Variants in INPPL1 observed in about 807,000 individuals in gnomAD.
INPPL1 encodes the protein phosphatidylinositol 3,4,5-trisphosphate 5-phosphatase 2.
A neutral mutation model predicts 139.3 loss-of-function variants in INPPL1; 91 were observed. The observed-to-expected ratio is 0.65, with a 90% CI of 0.55 to 0.78. The LOEUF is 0.78. Among genes scored for constraint, INPPL1 ranks in the 30% least tolerant of loss-of-function variants. The pLI is 0.00. For missense variants in INPPL1, 1,411 were observed against 1,665.6 expected (o/e 0.85, Z 2.66); for synonymous variants, 719 against 686.6 (o/e 1.05, Z -0.74).
rs1454499526 is a variant in INPPL1 at position 72,230,400 on chromosome 11, C to T, written c.1129C>T (p.Leu377=). ...TAAGTCCCAGCGTGTCCAGAACAAGCTGGGTGTTGTGTTTGAGAAGGAGAA... is the reference window on the plus strand; with the variant it reads ...TAAGTCCCAGCGTGTCCAGAACAAGTTGGGTGTTGTGTTTGAGAAGGAGAA... ...LIKSQRVQNK[L]GVVFEKEKDR... Residue 377 remains leucine, a synonymous_variant, in exon 10 of 28, where the codon CTG becomes TTG. Coordinates refer to ENST00000298229, the MANE Select transcript of INPPL1 (RefSeq NM_001567.4). 1 of 1,614,008 alleles carries T rather than the reference C, an allele frequency of 6.2e-7. No homozygotes were observed. Among genetic ancestry groups the T allele is most frequent in the African/African-American group, 1.3e-5 (1 of 74,934 alleles).
chr11:72,229,869 C>T, intron 7 of INPPL1, 55 bp from the exon 8 acceptor site: 1 of 1,581,280 alleles, frequency 6.3e-7, no homozygotes, highest in Non-Finnish European at 8.7e-7. Context: ...TGTGTCCCTC[C>T]CTGCCCCAGC....
Position 72,229,559 on chromosome 11 carries a change from G to A in INPPL1, c.753+1G>A, listed in dbSNP as rs756452267. ...GGTGACCCGCCTTTTGCAGCAGCAGGTAGATTGTAGGGAGACCTCTGGGAG... is the reference window on the plus strand; with the variant it reads ...GGTGACCCGCCTTTTGCAGCAGCAGATAGATTGTAGGGAGACCTCTGGGAG... On this transcript the variant is annotated splice_donor_variant, in intron 6 of 27. Transcript: ENST00000298229. LOFTEE classifies it high-confidence loss of function. The A allele has an allele frequency of 1.2e-6, 2 of 1,614,100 alleles. No individual in the cohort carries two copies. Among genetic ancestry groups the A allele is most frequent in the Middle Eastern group, 1.6e-4 (1 of 6,062 alleles).
chr11:72,233,340 C>T (rs1458306489), intron 17 of INPPL1, 101 bp from the exon 18 acceptor site: 1 of 1,126,160 alleles, frequency 8.9e-7, no homozygotes, highest in African/African-American at 1.5e-5. Context: ...GCTAGGGCCT[C>T]TAGTAATAGA....
At chr11:72,230,337 A>T in intron 9 of INPPL1, 25 bp from the exon 10 acceptor site, 1 of 1,613,488 alleles carries the variant, frequency 6.2e-7, no homozygotes, top group South Asian at 1.1e-5. Flanking sequence ...GCACAGGCCC[A>T]TGTGACCGGT....
Position 72,238,580 on chromosome 11 carries a change from G to A in INPPL1, c.*227G>A. ...TTAGGCTCAGGACGGAAGGTCAGTT[G>A]CCATGGTTACCGAGGACCCTGGTTA... On this transcript the variant is annotated 3_prime_UTR_variant, in exon 28 of 28. Coordinates refer to ENST00000298229, the MANE Select transcript of INPPL1 (RefSeq NM_001567.4). The A allele has an allele frequency of 2.4e-6, 1 of 408,690 alleles. No individual in the cohort carries two copies. The allele number at this position is 408,690 out of a possible 1,614,324, so 25.3% of individuals were successfully genotyped here.
In INPPL1 at chr11:72,235,898, T is replaced by C. The variant is rs1310103735; in HGVS notation, c.2791T>C (p.Leu931=). 2.5e-6 allele frequency: 4 copies of C among 1,613,120 alleles called. No individual in the cohort carries two copies. The South Asian group carries it at 4.4e-5, about 18-fold the overall frequency. Residue 931 remains leucine, a synonymous_variant, in exon 25 of 28, where the codon TTA becomes CTA. Coordinates refer to ENST00000298229, the MANE Select transcript of INPPL1 (RefSeq NM_001567.4). The surrounding 1 kb of genome is among the most constrained non-coding windows in gnomAD (Gnocchi z 4.9). The part of the protein sequence containing the change: ...FTEASCPLSR[L]FEEPEKPPPT... ...AGAGGCCTCCTGCCCGCTCTCCAGG[T>C]TATTTGAAGAACCAGAGAAACCGCC...
chr11:72,224,863 T>C lies in INPPL1; in HGVS notation c.-122T>C. On this transcript the variant is annotated 5_prime_UTR_variant, in exon 1 of 28. Transcript: ENST00000298229. ...GGAGTGCTGAGTCCCGATCCCCGGC[T>C]CTGTCCGGCCCACGGATCCTCAAGC... 1.6e-6 allele frequency: 1 copy of C among 643,162 alleles called. No homozygotes were observed. Among genetic ancestry groups the C allele is most frequent in the Non-Finnish European group, 2.0e-6 (1 of 509,172 alleles). The allele number at this position is 643,162 out of a possible 1,614,324, so 39.8% of individuals were successfully genotyped here.
intron 1 of INPPL1, 76 bp downstream of exon 1, chr11:72,225,242 G>A (rs912377861): frequency 1.6e-6 from 2 of 1,224,250 alleles, no homozygotes; most frequent in South Asian, 4.1e-5. Context: ...AAAGGGCCCG[G>A]GTGAGGGTTT....
In INPPL1 at chr11:72,228,754, C is replaced by T; in HGVS notation, c.425C>T (p.Pro142Leu). The T allele has an allele frequency of 6.2e-7, 1 of 1,609,228 alleles. No homozygotes were observed. The highest frequency in any genetic ancestry group is 8.5e-7 in the Non-Finnish European group (1 of 1,177,374). Residue 142 changes from proline to leucine, a missense_variant, in exon 4 of 28, where the codon CCC becomes CTC. Transcript: ENST00000298229. This position sits in a 1 kb window ranked among gnomAD's most constrained non-coding sequence, Gnocchi z 5.0. The stretch of plus-strand genomic sequence containing the variant: ...GGGGAGGATGAGAAGCCCCCGCTGC[C>T]CCCGCGCTCTGGCTCCACCAGCATT... Reference protein sequence around the residue: ...SDGEDEKPPLPPRSGSTSISA... With the variant: ...SDGEDEKPPLLPRSGSTSISA...
chr11:72,223,632 G>A (rs1266200657), upstream of INPPL1: 1 of 152,092 alleles, frequency 6.6e-6, no homozygotes, highest in African/African-American at 2.4e-5. Flanking sequence ...TCGGGAGCGC[G>A]GGCTGGGCGC....
chr11:72,229,133 G>A lies in INPPL1; in HGVS notation c.562G>A (p.Gly188Ser), dbSNP rs1232967647. 6.2e-7 allele frequency: 1 copy of A among 1,613,848 alleles called. No homozygotes were observed. Among genetic ancestry groups the A allele is most frequent in the Admixed American group, 1.7e-5 (1 of 60,002 alleles). Reference sequence around the variant, plus strand: ...CACCGTCTCGCACGACTACCTGAAAGGCAGCTATGGGCTGGACCTGGAAGC... The same window carrying A: ...CACCGTCTCGCACGACTACCTGAAAAGCAGCTATGGGCTGGACCTGGAAGC... ...LSTVSHDYLK[G>S]SYGLDLEAVR... The change falls in exon 5 of 28, where the codon GGC becomes AGC. Residue 188 changes from glycine (G) to serine (S), a missense_variant. By Grantham distance (56) the Gly-to-Ser change is moderately conservative. This residue lies in a region of INPPL1 where 504 missense variants were observed against 595.6 expected (regional missense o/e 0.85). Coordinates refer to ENST00000298229, the MANE Select transcript of INPPL1 (RefSeq NM_001567.4).
Position 72,228,653 on chromosome 11 carries a change from T to C in INPPL1, c.398-74T>C. ...AACCCTCTTTCCATGGAAGTCACTT[T>C]ACAGCTGCATCGTGCCTCCTACTCC... On this transcript the variant is annotated intron_variant, in intron 3 of 27. Coordinates refer to ENST00000298229, the MANE Select transcript of INPPL1 (RefSeq NM_001567.4). The surrounding 1 kb of genome is among the most constrained non-coding windows in gnomAD (Gnocchi z 5.0). The C allele has an allele frequency of 6.4e-7, 1 of 1,566,628 alleles. No individual in the cohort carries two copies. Among genetic ancestry groups the C allele is most frequent in the Non-Finnish European group, 8.7e-7 (1 of 1,153,772 alleles).
rs906764223 is a variant in INPPL1, at chr11:72,235,930, G to A, written c.2823G>A (p.Thr941=). The A allele has an allele frequency of 2.5e-5, 41 of 1,612,546 alleles. No individual in the cohort carries two copies. The highest frequency in any genetic ancestry group is 5.5e-5 in the South Asian group (5 of 91,024). The change falls in exon 25 of 28, where the codon ACG becomes ACA. Residue 941 remains threonine (T), a synonymous_variant. Transcript: ENST00000298229. The surrounding 1 kb of genome is among the most constrained non-coding windows in gnomAD (Gnocchi z 4.9). ...LFEEPEKPPP[T]GRPPAPPRAA... ...AAGAACCAGAGAAACCGCCACCAAC[G>A]GGGAGGCCCCCAGCCCCACCCCGAG...
intron 14 of INPPL1, 134 bp downstream of exon 14, chr11:72,232,470 C>G (rs371850596): frequency 2.5e-6 from 3 of 1,213,132 alleles, no homozygotes. Flanking sequence ...TATCCCAATT[C>G]AAGACCCTTC....
rs373168861 is a variant in INPPL1, at chr11:72,232,346, C to T, written c.1712+10C>T. 90 of 1,549,600 alleles carry T rather than the reference C, an allele frequency of 5.8e-5. No homozygotes were observed. The highest frequency in any genetic ancestry group is 7.4e-5 in the Non-Finnish European group (85 of 1,145,364). ...ATGAGAAGACGGCTCGGTGAGGGGG[C>T]GCCTTTCCCATGGTCTCTTTACACC... On this transcript the variant is annotated intron_variant, in intron 14 of 27. Coordinates refer to ENST00000298229, the MANE Select transcript of INPPL1 (RefSeq NM_001567.4).
rs762904903 is a variant in INPPL1, at chr11:72,230,364, C to T, written c.1093C>T (p.Arg365Cys). ...GTGACCGGTCCTCCATGCCCTAGTC[C>T]GCCAGCTCATTAAGTCCCAGCGTGT... Reference protein sequence around the residue: ...DWTTFTHDRIRQLIKSQRVQN... With the variant: ...DWTTFTHDRICQLIKSQRVQN... The change falls in exon 10 of 28, where the codon CGC (arginine) becomes TGC (cysteine). Residue 365 changes from arginine to cysteine, a missense_variant and splice_region_variant. Transcript: ENST00000298229. The T allele has an allele frequency of 1.9e-5, 31 of 1,613,914 alleles. No individual in the cohort carries two copies. In the East Asian group the frequency reaches 2.2e-4, roughly 12 times the overall value.
At position 72,234,443 on chromosome 11, in the gene INPPL1, A is replaced by C. The variant is rs1287959872; in HGVS notation, c.2326+49A>C. ...GTGTGGGCCAAGGAGGATGGGAGGC[A>C]AGAGGGTGCAGTCAGCCCCCTACTT... On this transcript the variant is annotated intron_variant, in intron 20 of 27. Transcript: ENST00000298229. This position sits in a 1 kb window ranked among gnomAD's most constrained non-coding sequence, Gnocchi z 4.2. 6.3e-7 allele frequency: 1 copy of C among 1,594,650 alleles called. No individual in the cohort carries two copies. The highest frequency in any genetic ancestry group is 1.7e-5 in the Admixed American group (1 of 59,964).
rs895668803 is a variant in INPPL1, at chr11:72,231,330, A to G, written c.1497+141A>G. The G allele has an allele frequency of 1.0e-5, 10 of 973,900 alleles. No individual in the cohort carries two copies. In the African/African-American group the frequency reaches 1.6e-4, roughly 16 times the overall value. 60.3% of individuals were successfully genotyped at this position (973,900 alleles called of 1,614,324 possible). On this transcript the variant is annotated intron_variant, in intron 12 of 27. Coordinates refer to ENST00000298229, the MANE Select transcript of INPPL1 (RefSeq NM_001567.4). The stretch of plus-strand genomic sequence containing the variant: ...CTGAGCATATCCTTTGGGAGATCTG[A>G]CCTGAGTCCTTCATGCCACGAGAGG...
Position 72,234,534 on chromosome 11 carries a change from G to T in INPPL1, c.2334G>T (p.Lys778Asn). 3.2e-6 allele frequency: 4 copies of T among 1,242,228 alleles called. No individual in the cohort carries two copies. Among genetic ancestry groups the T allele is most frequent in the Non-Finnish European group, 4.8e-6 (4 of 841,998 alleles). 77.0% of individuals were successfully genotyped at this position (1,242,228 alleles called of 1,614,324 possible). A position where few individuals can be genotyped will look rare whatever the true frequency, so the allele number is the denominator to read the frequency against. The change falls in exon 21 of 28, where the codon AAG (lysine) becomes AAT (asparagine). Residue 778 changes from lysine (K) to asparagine (N), a missense_variant. Lys to Asn is a moderately conservative substitution (Grantham distance 94). Transcript: ENST00000298229. The surrounding 1 kb of genome is among the most constrained non-coding windows in gnomAD (Gnocchi z 4.2). The stretch of plus-strand genomic sequence containing the variant: ...CTCCCACCCCCACCCCAGAATACAA[G>T]AAGAGCTTTGAGAATGATGCCCAGA... Reference protein sequence around the residue: ...EFYSTCLEEYKKSFENDAQSS... With the variant: ...EFYSTCLEEYNKSFENDAQSS...
Sources: gnomAD v4.1 joint callset for allele counts on GRCh38, gnomAD v4.1.1 for gene constraint, gnomAD v4.1.1 regional missense constraint, Gnocchi (gnomAD v3.1) non-coding constraint, MANE v1.5 for transcripts, NCBI Gene and HGNC (gene_info 2026-07-23, HGNC 2026-07-21) for gene names.